Variants in DAPK1 observed in about 807,000 individuals in gnomAD.
DAPK1 encodes death-associated protein kinase 1.
A neutral mutation model predicts 144.9 loss-of-function variants in DAPK1; 56 were observed. The ratio of observed to expected loss-of-function variants is 0.39; its 90% CI spans 0.31 to 0.48. The LOEUF is 0.48. Ranked by LOEUF, DAPK1 falls within the 20% of genes least tolerant of loss-of-function variation. The pLI is 0.95. For synonymous variants in DAPK1, 690 were observed against 749.0 expected (o/e 0.92, Z 1.29); for missense variants, 1,454 against 1,875.4 (o/e 0.78, Z 4.15).
At chr9:87,506,753 A>G (rs1824615697) in intron 2 of DAPK1, 1 of 152,240 alleles carries the variant, frequency 6.6e-6, no homozygotes. Context: ...GTTATATGAC[A>G]GTACAATTAT....
chr9:87,516,152 C>T lies in DAPK1; in HGVS notation c.62+17013C>T, dbSNP rs952504578. Among the ~76,000 whole-genome samples the T allele has an allele frequency of 2.6e-5, 4 of 152,328 alleles. No homozygotes were observed. In the East Asian group the frequency reaches 5.8e-4, roughly 22 times the overall value. On this transcript the variant is annotated intron_variant, in intron 2 of 25. Transcript: ENST00000408954. The stretch of plus-strand genomic sequence containing the variant: ...CTCTCTGGCTGTACTTGCCGCCCCC[C>T]AGCTTCTGCCCTTCTCCTTGGTGTG...
chr9:87,706,396 A>G lies in DAPK1; in HGVS notation c.3325A>G (p.Thr1109Ala), dbSNP rs1307406884. Reference protein sequence around the residue: ...TMVDVPALIKTDNLHRSWADE... With the variant: ...TMVDVPALIKADNLHRSWADE... ...GGTGGACGTCCCAGCCCTGATCAAGACAGACAACCTGCACCGCTCCTGGGC... is the reference window on the plus strand; with the variant it reads ...GGTGGACGTCCCAGCCCTGATCAAGGCAGACAACCTGCACCGCTCCTGGGC... The change falls in exon 26 of 26, where the codon ACA (threonine) becomes GCA (alanine). Residue 1109 changes from threonine (T) to alanine (A), a missense_variant. By Grantham distance (58) the Thr-to-Ala change is moderately conservative. Coordinates refer to ENST00000408954, the MANE Select transcript of DAPK1 (RefSeq NM_004938.4). This position sits in a 1 kb window ranked among gnomAD's most constrained non-coding sequence, Gnocchi z 9.0. 1 of 1,612,336 alleles carries G rather than the reference A, an allele frequency of 6.2e-7. No individual in the cohort carries two copies. Among genetic ancestry groups the G allele is most frequent in the Non-Finnish European group, 8.5e-7 (1 of 1,179,200 alleles).
In DAPK1 at chr9:87,546,304, G is replaced by A. The variant is rs921609168; in HGVS notation, c.62+47165G>A. Among the ~76,000 whole-genome samples, 8 of 152,170 alleles carry A rather than the reference G, an allele frequency of 5.3e-5. No homozygotes were observed. The East Asian group carries it at 9.6e-4, about 18-fold the overall frequency. On this transcript the variant is annotated intron_variant, in intron 2 of 25. Transcript: ENST00000408954. The stretch of plus-strand genomic sequence containing the variant: ...GAGGCAGTGGGAGTGAGGGGAAAAC[G>A]AGAGCAAGAGCCTCTACTGTGGTTT...
In DAPK1 at chr9:87,707,515, C is replaced by CT; in HGVS notation, c.*152dup. The CT allele has an allele frequency of 1.6e-6, 1 of 607,034 alleles. No individual in the cohort carries two copies. The highest frequency in any genetic ancestry group is 2.9e-6 in the Non-Finnish European group (1 of 343,170). The allele number at this position is 607,034 out of a possible 1,614,324, so 37.6% of individuals were successfully genotyped here. Reference sequence around the variant, plus strand: ...CCTCCCTCCGGCTTGACCTGTTTCTCTGCCGCTACCTCCCTCCCCGTCTCA... The same window carrying CT: ...CCTCCCTCCGGCTTGACCTGTTTCTCTTGCCGCTACCTCCCTCCCCGTCTCA... On this transcript the variant is annotated 3_prime_UTR_variant, in exon 26 of 26. Transcript: ENST00000408954. The surrounding 1 kb of genome is among the most constrained non-coding windows in gnomAD (Gnocchi z 4.0).
At chr9:87,658,874 CAG>C in intron 18 of DAPK1, among the ~76,000 whole-genome samples, 1 of 152,324 alleles carries the variant, frequency 6.6e-6, no homozygotes, top group East Asian at 1.9e-4. Flanking sequence ...GCTTTACTGA[CAG>C]AGGGTGATTC....
intron 16 of DAPK1, 30 bp downstream of exon 16, chr9:87,650,148 T>G (rs1438559108): frequency 6.2e-7 from 1 of 1,610,642 alleles, no homozygotes. Flanking sequence ...TCATATGCAC[T>G]GGGAAGTGAT....
At chr9:87,550,692 A>T (rs899791347) in intron 2 of DAPK1, among the ~76,000 whole-genome samples, 2 of 152,232 alleles carry the variant, frequency 1.3e-5, no homozygotes, top group East Asian at 3.9e-4. Context: ...GGGTTAGGAC[A>T]TCAGTATACA....
At chr9:87,529,851 G>C (rs1413284012) in intron 2 of DAPK1, among the ~76,000 whole-genome samples, 1 of 152,180 alleles carries the variant, frequency 6.6e-6, no homozygotes, top group Non-Finnish European at 1.5e-5. Context: ...TTGTTCTGTG[G>C]TCATCTGCTC....
At chr9:87,562,206 G>T (rs1157574625) in intron 2 of DAPK1, among the ~76,000 whole-genome samples, 1 of 152,238 alleles carries the variant, frequency 6.6e-6, no homozygotes, top group African/African-American at 2.4e-5. Flanking sequence ...AGACACAGCA[G>T]TTGAGCTATA....
intron 4 of DAPK1, 80 bp downstream of exon 4, chr9:87,638,161 C>A: frequency 1.4e-6 from 2 of 1,406,408 alleles, no homozygotes; most frequent in South Asian, 1.4e-5. Context: ...AAAATTGAGG[C>A]ATCTGAAAGA....
chr9:87,569,480 A>G (rs769178479), intron 2 of DAPK1, among the ~76,000 whole-genome samples: 7 of 152,232 alleles, frequency 4.6e-5, no homozygotes, highest in African/African-American at 7.2e-5. Context: ...TCAATTTGCA[A>G]TTAATACATA....
intron 24 of DAPK1, 111 bp downstream of exon 24, chr9:87,700,348 C>G (rs1786167310): frequency 2.5e-6 from 2 of 792,656 alleles, no homozygotes; most frequent in South Asian, 1.6e-5. Context: ...TCTGCCTGGA[C>G]ATGTCTTTAT....
At chr9:87,675,407 G>C (rs1824327178) in intron 19 of DAPK1, among the ~76,000 whole-genome samples, 1 of 152,102 alleles carries the variant, frequency 6.6e-6, no homozygotes, top group South Asian at 2.1e-4. Flanking sequence ...AGTGCAAGGG[G>C]CCGGGTAGTG....
rs192096368 is a variant in DAPK1 at position 87,643,801 on chromosome 9, G to A, written c.1011+333G>A. 8.4e-4 allele frequency among the ~76,000 whole-genome samples: 127 copies of A among 151,900 alleles called. 2 individuals are homozygous for A. In the Middle Eastern group the frequency reaches 0.014, roughly 16 times the overall value. On this transcript the variant is annotated intron_variant, in intron 11 of 25. Coordinates refer to ENST00000408954, the MANE Select transcript of DAPK1 (RefSeq NM_004938.4). ...CAAATGCACACACATAGAGACACAC[G>A]CACTGATATTTTGGTAAAAGAGAGG...
chr9:87,707,313 C>T lies in DAPK1; in HGVS notation c.4242C>T (p.Ser1414=). The T allele has an allele frequency of 2.5e-6, 4 of 1,612,316 alleles. No individual in the cohort carries two copies. The highest frequency in any genetic ancestry group is 2.5e-6 in the Non-Finnish European group (3 of 1,178,726). Residue 1414 remains serine (S), a synonymous_variant, in exon 26 of 26, where the codon AGC becomes AGT. Transcript: ENST00000408954. This position sits in a 1 kb window ranked among gnomAD's most constrained non-coding sequence, Gnocchi z 4.0. ...ATGGCCAGGAGGCCTATGCCTCGAG[C>T]TGCAACAGCGGCACCTCTTACAATT... ...DGNGQEAYAS[S]CNSGTSYNSI...
chr9:87,699,620 G>A (rs1179207529), intron 23 of DAPK1, among the ~76,000 whole-genome samples: 1 of 152,194 alleles, frequency 6.6e-6, no homozygotes, highest in Admixed American at 6.5e-5. Flanking sequence ...TAATATGCTA[G>A]TATCTCTGAT....
chr9:87,677,719 C>G (rs1278000853), intron 19 of DAPK1, among the ~76,000 whole-genome samples: 1 of 152,196 alleles, frequency 6.6e-6, no homozygotes, highest in African/African-American at 2.4e-5. Context: ...CTGTGGGATG[C>G]TCACCATGGA....
At chr9:87,611,115 G>A (rs1376224782) in intron 3 of DAPK1, among the ~76,000 whole-genome samples, 1 of 152,050 alleles carries the variant, frequency 6.6e-6, no homozygotes, top group East Asian at 1.9e-4. Flanking sequence ...TGCCTCAAAG[G>A]GTTAGTGATT....
At chr9:87,534,894 C>T (rs1480175506) in intron 2 of DAPK1, among the ~76,000 whole-genome samples, 3 of 152,136 alleles carry the variant, frequency 2.0e-5, no homozygotes, top group African/African-American at 7.2e-5. Flanking sequence ...ATCTGCCTGC[C>T]TCGGCCTCCT....
Sources: allele counts gnomAD v4.1 joint callset (sites outside exome capture counted in the v4.1 genomes callset), GRCh38; gene constraint gnomAD v4.1.1; non-coding constraint Gnocchi (gnomAD v3.1); transcripts MANE v1.5; gene names NCBI Gene and HGNC (gene_info 2026-07-23, HGNC 2026-07-21).